FANCA: variants seen among roughly 807,000 people sequenced by gnomAD.
FANCA encodes the protein Fanconi anemia group A protein.
Under a neutral mutation model 194.3 loss-of-function variants are expected in FANCA, and 236 were observed. That is an observed-to-expected ratio of 1.21 (90% confidence interval 1.09 to 1.35). FANCA has a LOEUF of 1.35. FANCA is among the 40% of genes most tolerant of loss of function. The probability of loss-of-function intolerance (pLI) is 0.00; values close to 1 mark genes in which losing one functional copy is unlikely to be tolerated. For missense variants in FANCA, 2,628 were observed against 1,813.9 expected (o/e 1.45, Z -8.15); for synonymous variants, 1,014 against 715.8 (o/e 1.42, Z -6.65).
rs1349300770 is a variant in FANCA at position 89,771,710 on chromosome 16, T to G, written c.2119A>C (p.Asn707His). 1 of 1,614,198 alleles carries G rather than the reference T, an allele frequency of 6.2e-7. No homozygotes were observed. ...VEISKIQLSI[N>H]TPRLEPREHM... ...TCCCGTGGCTCCAGTCTCGGCGTGT[T>G]GATGCTGAGCTGAATCTTTGATATC... The change falls in exon 23 of 43, where the codon AAC (asparagine) becomes CAC (histidine). Residue 707 changes from asparagine (N) to histidine (H), a missense_variant. Coordinates refer to ENST00000389301, the MANE Select transcript of FANCA (RefSeq NM_000135.4).
chr16:89,766,528 G>A (rs2143302549), intron 27 of FANCA, among the ~76,000 whole-genome samples: 1 of 151,844 alleles, frequency 6.6e-6, no homozygotes, highest in Non-Finnish European at 1.5e-5. Context: ...TGGCCAACAT[G>A]GTGAAACCCT....
At position 89,769,818 on chromosome 16, in the gene FANCA, C is replaced by T; in HGVS notation, c.2504+19G>A. On this transcript the variant is annotated intron_variant, in intron 26 of 42. Transcript: ENST00000389301. ...TCGAGAGAGAGGAGAGAAGACGCGACTGTGGAAGAAGAGCTCACTTCAGGC... is the reference window on the plus strand; with the variant it reads ...TCGAGAGAGAGGAGAGAAGACGCGATTGTGGAAGAAGAGCTCACTTCAGGC... 6.2e-7 allele frequency: 1 copy of T among 1,613,776 alleles called. No individual in the cohort carries two copies. The highest frequency in any genetic ancestry group is 8.5e-7 in the Non-Finnish European group (1 of 1,179,900).
chr16:89,777,282 G>A (rs544182213), intron 20 of FANCA, among the ~76,000 whole-genome samples: 46 of 151,326 alleles, frequency 3.0e-4, no homozygotes, highest in East Asian at 2.0e-3. Context: ...CTTGGGAGGC[G>A]GAGAGGGAAG....
intron 22 of FANCA, 48 bp from the exon 23 acceptor site, chr16:89,771,862 G>A: frequency 6.2e-7 from 1 of 1,610,482 alleles, no homozygotes; most frequent in African/African-American, 1.3e-5. Context: ...CCGAAAGGAG[G>A]GATACAGCTG....
intron 15 of FANCA, among the ~76,000 whole-genome samples, chr16:89,784,238 G>A (rs1447484005): frequency 1.3e-5 from 2 of 152,026 alleles, no homozygotes; most frequent in Non-Finnish European, 2.9e-5. Flanking sequence ...CAGGTTTGCT[G>A]GCATGCGCCT....
chr16:89,777,325 T>C (rs918873593), intron 20 of FANCA, among the ~76,000 whole-genome samples: 3 of 152,162 alleles, frequency 2.0e-5, no homozygotes, highest in Non-Finnish European at 4.4e-5. Flanking sequence ...AAGGCTGTAG[T>C]AAGCCATGAC....
At chr16:89,742,423 G>T (rs113782771) in intron 37 of FANCA, among the ~76,000 whole-genome samples, 1 of 151,998 alleles carries the variant, frequency 6.6e-6, no homozygotes, top group African/African-American at 2.4e-5. Flanking sequence ...CTGCACTCCA[G>T]CCTGGGCGAC....
At position 89,766,657 on chromosome 16, in the gene FANCA, G is replaced by C. The variant is rs986166992; in HGVS notation, c.2601+484C>G. 7.2e-5 allele frequency among the ~76,000 whole-genome samples: 11 copies of C among 151,812 alleles called. No homozygotes were observed. In the East Asian group the frequency reaches 1.2e-3, roughly 16 times the overall value. Reference sequence around the variant, plus strand: ...CTGAACCCGGGAGGTGGAGGTTGCAGTGGGCCGAGATCGCACCACTGCACT... The same window carrying C: ...CTGAACCCGGGAGGTGGAGGTTGCACTGGGCCGAGATCGCACCACTGCACT... On this transcript the variant is annotated intron_variant, in intron 27 of 42. Coordinates refer to ENST00000389301, the MANE Select transcript of FANCA (RefSeq NM_000135.4).
chr16:89,780,806 T>G (rs1012883475), intron 17 of FANCA, among the ~76,000 whole-genome samples: 9 of 151,820 alleles, frequency 5.9e-5, no homozygotes, highest in Admixed American at 4.6e-4. Context: ...GGCGCACACT[T>G]GTACTCCCAG....
chr16:89,773,773 CTTTTT>C (rs552737101), intron 21 of FANCA, among the ~76,000 whole-genome samples: 2 of 135,512 alleles, frequency 1.5e-5, no homozygotes, highest in African/African-American at 2.7e-5. Flanking sequence ...GTTCCTCAAA[CTTTTT>C]TTTTTTTTTT....
chr16:89,814,451 A>G, intron 3 of FANCA, 69 bp downstream of exon 3: 1 of 1,221,208 alleles, frequency 8.2e-7, no homozygotes, highest in South Asian at 1.3e-5. Context: ...TACTTAATTT[A>G]GCAAACTATG....
At chr16:89,761,221 C>T (rs935919003) in intron 29 of FANCA, among the ~76,000 whole-genome samples, 3 of 152,062 alleles carry the variant, frequency 2.0e-5, no homozygotes, top group African/African-American at 4.8e-5. Flanking sequence ...AGATTGAGAC[C>T]ACCCTGGTTA....
At position 89,771,726 on chromosome 16, in the gene FANCA, C is replaced by A. The variant is rs2143350511; in HGVS notation, c.2103G>T (p.Lys701Asn). The change falls in exon 23 of 43, where the codon AAG becomes AAT. Residue 701 changes from lysine (K) to asparagine (N), a missense_variant. Coordinates refer to ENST00000389301, the MANE Select transcript of FANCA (RefSeq NM_000135.4). Reference sequence around the variant, plus strand: ...TCGGCGTGTTGATGCTGAGCTGAATCTTTGATATCTCAACGCTGCTGTCAT... The same window carrying A: ...TCGGCGTGTTGATGCTGAGCTGAATATTTGATATCTCAACGCTGCTGTCAT... The part of the protein sequence containing the change: ...NEDDSSVEIS[K>N]IQLSINTPRL... 6.2e-7 allele frequency: 1 copy of A among 1,614,186 alleles called. No homozygotes were observed. The highest frequency in any genetic ancestry group is 8.5e-7 in the Non-Finnish European group (1 of 1,180,044).
chr16:89,805,388 G>A lies in FANCA; in HGVS notation c.601C>T (p.Pro201Ser), dbSNP rs144917960. 2.7e-3 allele frequency: 4,339 copies of A among 1,612,398 alleles called. 122 individuals carry two copies. Among genetic ancestry groups the A allele is most frequent in the Non-Finnish European group, 5.3e-4 (620 of 1,178,610 alleles). Reference protein sequence around the residue: ...VSLQELLESHPDMHAVGSWLF... With the variant: ...VSLQELLESHSDMHAVGSWLF... Reference sequence around the variant, plus strand: ...CACGATCCCACAGCATGCATGTCGGGATGGCTGGAGACACACACAGAGGCA... The same window carrying A: ...CACGATCCCACAGCATGCATGTCGGAATGGCTGGAGACACACACAGAGGCA... The change falls in exon 7 of 43, where the codon CCC (proline) becomes TCC (serine). Residue 201 changes from proline to serine, a missense_variant. Transcript: ENST00000389301.
chr16:89,802,077 G>A (rs567805385), intron 8 of FANCA, among the ~76,000 whole-genome samples: 2 of 152,264 alleles, frequency 1.3e-5, no homozygotes, highest in African/African-American at 4.8e-5. Flanking sequence ...GAGATGACCG[G>A]ATACAGAAAA....
At chr16:89,799,805 A>T (rs988376891) in intron 8 of FANCA, among the ~76,000 whole-genome samples, 167 bp from the exon 9 acceptor site, 1 of 152,186 alleles carries the variant, frequency 6.6e-6, no homozygotes, top group Non-Finnish European at 1.5e-5. Flanking sequence ...CATCCTGGCT[A>T]ACATGGTGAA....
At chr16:89,775,718 T>G (rs1161031070) in intron 21 of FANCA, 24 bp downstream of exon 21, 1 of 1,594,078 alleles carries the variant, frequency 6.3e-7, no homozygotes, top group Admixed American at 1.7e-5. Context: ...AGTCCCAGAG[T>G]GGACAAGCGG....
In FANCA at chr16:89,742,914, G is replaced by A. The variant is rs1351099497; in HGVS notation, c.3651C>T (p.Ser1217=). The A allele has an allele frequency of 6.2e-7, 1 of 1,614,024 alleles. No homozygotes were observed. The highest frequency in any genetic ancestry group is 8.5e-7 in the Non-Finnish European group (1 of 1,180,018). ...ASDFLSPEAA[S]PAPNPDWLSA... is the part of the protein sequence containing the mutation. ...AGAGCCAGTCCGGGTTGGGTGCTGG[G>A]GAGGCAGCCTCAGGGGAGAGGAAAC... The change falls in exon 37 of 43, where the codon TCC becomes TCT. Residue 1217 remains serine (S), a synonymous_variant. Transcript: ENST00000389301.
At chr16:89,748,031 C>A (rs113667472) in intron 33 of FANCA, among the ~76,000 whole-genome samples, 1 of 152,170 alleles carries the variant, frequency 6.6e-6, no homozygotes, top group African/African-American at 2.4e-5. Flanking sequence ...CCTGACCCAG[C>A]CTCTCAAGTA....
Sources: gnomAD v4.1 joint callset for allele counts (sites outside exome capture counted in the v4.1 genomes callset) on GRCh38, gnomAD v4.1.1 for gene constraint, MANE v1.5 for transcripts, NCBI Gene and HGNC (gene_info 2026-07-23, HGNC 2026-07-21) for gene names.